HCN4: variants seen among roughly 807,000 people sequenced by gnomAD.
HCN4 encodes potassium/sodium hyperpolarization-activated cyclic nucleotide-gated channel 4.
Under a neutral mutation model 76.9 loss-of-function variants are expected in HCN4, and 29 were observed. That is an observed-to-expected ratio of 0.38 (90% confidence interval 0.28 to 0.51). The LOEUF is 0.51. HCN4 is among the 20% of genes least tolerant of loss of function. The probability of loss-of-function intolerance (pLI) is 0.90; values close to 1 mark genes in which losing one functional copy is unlikely to be tolerated. For missense variants in HCN4, 1,416 were observed against 1,715.2 expected (o/e 0.83, Z 3.08); for synonymous variants, 772 against 762.5 (o/e 1.01, Z -0.21).
At chr15:73,349,304 G>A (rs1338949220) in intron 1 of HCN4, among the ~76,000 whole-genome samples, 1 of 152,128 alleles carries the variant, frequency 6.6e-6, no homozygotes, top group Non-Finnish European at 1.5e-5. Flanking sequence ...CATTTGCCAG[G>A]CACTAATCTG....
rs774559359 is a variant in HCN4 at position 73,367,581 on chromosome 15, G to A, written c.690C>T (p.Ser230=). The change falls in exon 1 of 8, where the codon TCC becomes TCT. Residue 230 remains serine (S), a synonymous_variant. Transcript: ENST00000261917. The surrounding 1 kb of genome is among the most constrained non-coding windows in gnomAD (Gnocchi z 7.5). ...CTTTCTGGCTGCCGAACATCCTTAG[G>A]GAGAATTTGTTGACCCCGGGTTGGA... is the stretch of plus-strand genomic sequence containing the variant. ...AMLQPGVNKF[S]LRMFGSQKAV... The A allele has an allele frequency of 5.6e-6, 9 of 1,613,930 alleles. No individual in the cohort carries two copies. Among genetic ancestry groups the A allele is most frequent in the Admixed American group, 5.0e-5 (3 of 60,032 alleles).
intron 1 of HCN4, among the ~76,000 whole-genome samples, chr15:73,350,609 GA>G (rs1595831565): frequency 6.6e-6 from 1 of 152,084 alleles, no homozygotes; most frequent in Non-Finnish European, 1.5e-5. Flanking sequence ...ACGTCACAGA[GA>G]AAAGCAAAGC....
intron 2 of HCN4, among the ~76,000 whole-genome samples, chr15:73,339,511 C>T (rs929020673): frequency 2.6e-5 from 4 of 152,204 alleles, no homozygotes; most frequent in Non-Finnish European, 4.4e-5. Flanking sequence ...CTTCACGTTC[C>T]GTGAGCTACA....
intron 1 of HCN4, among the ~76,000 whole-genome samples, chr15:73,353,603 C>A (rs1415348904): frequency 6.6e-6 from 1 of 152,174 alleles, no homozygotes; most frequent in Admixed American, 6.5e-5. Flanking sequence ...CCCCTCCACA[C>A]CCCCTATCTG....
At chr15:73,339,122 C>T (rs1467977408) in intron 2 of HCN4, among the ~76,000 whole-genome samples, 1 of 152,198 alleles carries the variant, frequency 6.6e-6, no homozygotes, top group Non-Finnish European at 1.5e-5. Context: ...AGTGCTGAGC[C>T]TTGCAGGGTA....
At chr15:73,329,476 G>A in intron 4 of HCN4, 97 bp downstream of exon 4, 1 of 1,094,172 alleles carries the variant, frequency 9.1e-7, no homozygotes, top group Non-Finnish European at 1.4e-6. Context: ...CTGTGGGGTG[G>A]GAGCAGGGGG....
At chr15:73,331,024 T>A (rs1414898492) in intron 3 of HCN4, among the ~76,000 whole-genome samples, 2 of 152,200 alleles carry the variant, frequency 1.3e-5, no homozygotes, top group African/African-American at 4.8e-5. Context: ...CTCTTTCACC[T>A]CTTTCAAAGC....
At chr15:73,353,725 T>A (rs1419552495) in intron 1 of HCN4, among the ~76,000 whole-genome samples, 1 of 152,052 alleles carries the variant, frequency 6.6e-6, no homozygotes, top group Non-Finnish European at 1.5e-5. Context: ...TGTCCCAGGG[T>A]GAGCAGGAGT....
chr15:73,332,000 C>A (rs2042935921), intron 3 of HCN4, 131 bp downstream of exon 3: 2 of 839,202 alleles, frequency 2.4e-6, no homozygotes, highest in Non-Finnish European at 2.0e-6. Flanking sequence ...GAGCTATGTG[C>A]CCCCTCAGCC....
At chr15:73,364,680 C>T (rs138410980) in intron 1 of HCN4, among the ~76,000 whole-genome samples, 1,653 of 151,754 alleles carry the variant, frequency 0.011, 25 homozygotes, top group African/African-American at 0.037. Flanking sequence ...GAAGCCATGG[C>T]GGTGGCCAGG....
intron 1 of HCN4, among the ~76,000 whole-genome samples, chr15:73,356,733 C>A (rs2043082943): frequency 6.6e-6 from 1 of 151,948 alleles, no homozygotes; most frequent in South Asian, 2.1e-4. Context: ...TCCAGGAAAA[C>A]ACAGTCTAAC....
chr15:73,368,183 C>G lies in HCN4; in HGVS notation c.88G>C (p.Glu30Gln), dbSNP rs786205802. The change falls in exon 1 of 8, where the codon GAG becomes CAG. Residue 30 changes from glutamate to glutamine, a missense_variant. Physicochemically the swap from Glu to Gln is conservative, Grantham distance 29 (BLOSUM62 2). Around this residue, in one of 6 missense-constraint regions of HCN4, gnomAD observed 355 missense variants for 347.8 expected, o/e 1.02. Transcript: ENST00000261917. This position sits in a 1 kb window ranked among gnomAD's most constrained non-coding sequence, Gnocchi z 6.9. ...GAKAWIMDEE[E>Q]DAEEEGAGGR... ...CCGGCCCCCTCCTCCTCGGCGTCCT[C>G]TTCCTCGTCCATGATCCACGCCTTG... 3.7e-5 allele frequency: 56 copies of G among 1,533,680 alleles called. No homozygotes were observed. The highest frequency in any genetic ancestry group is 1.7e-4 in the Middle Eastern group (1 of 5,780).
intron 1 of HCN4, among the ~76,000 whole-genome samples, chr15:73,359,223 G>A (rs1018325225): frequency 6.6e-6 from 1 of 152,196 alleles, no homozygotes; most frequent in Non-Finnish European, 1.5e-5. Context: ...GGAGCAGTGG[G>A]TGGAGGGAGT....
At position 73,368,060 on chromosome 15, in the gene HCN4, C is replaced by T. The variant is rs1360146681; in HGVS notation, c.211G>A (p.Ala71Thr). Residue 71 changes from alanine (A) to threonine (T), a missense_variant, in exon 1 of 8, where the codon GCC becomes ACC. Ala to Thr is a moderately conservative substitution (Grantham distance 58, BLOSUM62 0). This residue lies in a region of HCN4 where 355 missense variants were observed against 347.8 expected (regional missense o/e 1.02). Coordinates refer to ENST00000261917, the MANE Select transcript of HCN4 (RefSeq NM_005477.3). The surrounding 1 kb of genome is among the most constrained non-coding windows in gnomAD (Gnocchi z 6.9). ...AAGGTESRSS[A>T]LGAADSEGPA... ...CCTTCGCTGTCCGCTGCCCCGAGGGCCGAGCTCCGGGACTCCGTGCCACCC... is the reference window on the plus strand; with the variant it reads ...CCTTCGCTGTCCGCTGCCCCGAGGGTCGAGCTCCGGGACTCCGTGCCACCC... 1 of 1,480,286 alleles carries T rather than the reference C, an allele frequency of 6.8e-7. No individual in the cohort carries two copies. Among genetic ancestry groups the T allele is most frequent in the South Asian group, 1.3e-5 (1 of 78,366 alleles). 91.7% of individuals were successfully genotyped at this position (1,480,286 alleles called of 1,614,324 possible).
intron 1 of HCN4, among the ~76,000 whole-genome samples, chr15:73,359,946 A>C (rs2043097722): frequency 6.6e-6 from 1 of 152,210 alleles, no homozygotes; most frequent in Non-Finnish European, 1.5e-5. Flanking sequence ...TATGGTCCCC[A>C]AACCCCAAAG....
chr15:73,368,224 G>A lies in HCN4; in HGVS notation c.47C>T (p.Pro16Leu), dbSNP rs2043139529. 1 of 1,527,104 alleles carries A rather than the reference G, an allele frequency of 6.5e-7. No homozygotes were observed. The highest frequency in any genetic ancestry group is 8.8e-7 in the Non-Finnish European group (1 of 1,139,384). The allele number at this position is 1,527,104 out of a possible 1,614,324, so 94.6% of individuals were successfully genotyped here. A position where few individuals can be genotyped will look rare whatever the true frequency, so the allele number is the denominator to read the frequency against. Residue 16 changes from proline to leucine, a missense_variant, in exon 1 of 8, where the codon CCG becomes CTG. Pro to Leu is a moderately conservative substitution (Grantham distance 98). Coordinates refer to ENST00000261917, the MANE Select transcript of HCN4 (RefSeq NM_005477.3). The surrounding 1 kb of genome is among the most constrained non-coding windows in gnomAD (Gnocchi z 6.9). ...PSMRKRLYSL[P>L]QQVGAKAWIM... is the part of the protein sequence containing the mutation. ...CCACGCCTTGGCCCCCACCTGCTGC[G>A]GGAGGCTGTAGAGCCGCTTGCGCAT...
At chr15:73,348,108 T>C (rs1401058961) in intron 1 of HCN4, among the ~76,000 whole-genome samples, 4 of 152,154 alleles carry the variant, frequency 2.6e-5, no homozygotes, top group South Asian at 2.1e-4. Flanking sequence ...GGAAATTTCA[T>C]GTTTTGGTGT....
chr15:73,324,882 G>A, intron 6 of HCN4, 73 bp downstream of exon 6: 1 of 1,589,652 alleles, frequency 6.3e-7, no homozygotes, highest in Non-Finnish European at 8.6e-7. Context: ...CACTGCCTCT[G>A]TCCCCTCGGT....
intron 1 of HCN4, among the ~76,000 whole-genome samples, chr15:73,357,251 A>C (rs2043085388): frequency 1.3e-5 from 2 of 152,208 alleles, no homozygotes; most frequent in Non-Finnish European, 1.5e-5. Context: ...GCTGGGCAGC[A>C]CAGAGCCAAG....
Sources: allele counts gnomAD v4.1 joint callset (sites outside exome capture counted in the v4.1 genomes callset), GRCh38; gene constraint gnomAD v4.1.1; regional missense constraint gnomAD v4.1.1; non-coding constraint Gnocchi (gnomAD v3.1); transcripts MANE v1.5; gene names NCBI Gene and HGNC (gene_info 2026-07-23, HGNC 2026-07-21).